WWOX: variants seen among roughly 807,000 people sequenced by gnomAD.
The protein encoded by WWOX is WW domain-containing oxidoreductase.
A neutral mutation model predicts 46.2 loss-of-function variants in WWOX; 69 were observed. The ratio of observed to expected loss-of-function variants is 1.49; its 90% CI spans 1.23 to 1.82. WWOX has a LOEUF of 1.82. Among genes scored for constraint, WWOX ranks in the 40% most tolerant of loss-of-function variants. The pLI is 0.00. For synonymous variants in WWOX, 359 were observed against 202.6 expected, an observed-to-expected ratio of 1.77 and a Z score of -6.56; for missense variants, 919 against 542.6, an observed-to-expected ratio of 1.69 and a Z score of -6.89.
chr16:79,210,262 A>C (rs1039776046), intron 8 of WWOX, among the ~76,000 whole-genome samples: 6 of 152,148 alleles, frequency 3.9e-5, no homozygotes, highest in Admixed American at 2.0e-4. Flanking sequence ...CAACAAACCC[A>C]AGTCTGCCTT....
At chr16:78,808,194 C>T (rs113479757) in intron 8 of WWOX, among the ~76,000 whole-genome samples, 1 of 152,134 alleles carries the variant, frequency 6.6e-6, no homozygotes, top group South Asian at 2.1e-4. Flanking sequence ...CCTCTTTTAA[C>T]CCCTCTGAAT....
At chr16:78,801,923 C>T (rs920013262) in intron 8 of WWOX, among the ~76,000 whole-genome samples, 4 of 151,872 alleles carry the variant, frequency 2.6e-5, no homozygotes, top group African/African-American at 9.7e-5. Flanking sequence ...AATCGCTTAA[C>T]CTCTTTCAAT....
At chr16:79,027,379 A>T (rs893883665) in intron 8 of WWOX, among the ~76,000 whole-genome samples, 1 of 151,304 alleles carries the variant, frequency 6.6e-6, no homozygotes, top group African/African-American at 2.4e-5. Flanking sequence ...CTTCATTGTT[A>T]TTATAATTAC....
chr16:78,342,239 T>C (rs1391233629), intron 5 of WWOX, among the ~76,000 whole-genome samples: 1 of 121,620 alleles, frequency 8.2e-6, no homozygotes, highest in African/African-American at 2.8e-5. Context: ...TGTCAGCTGC[T>C]ACGACAAACA....
chr16:79,194,909 A>T (rs1037450884), intron 8 of WWOX, among the ~76,000 whole-genome samples: 4 of 152,046 alleles, frequency 2.6e-5, no homozygotes, highest in South Asian at 2.1e-4. Context: ...TCCCCAAACT[A>T]AAGGATGAGA....
intron 8 of WWOX, among the ~76,000 whole-genome samples, chr16:78,644,203 C>T (rs376243723): frequency 1.3e-5 from 2 of 151,828 alleles, no homozygotes; most frequent in African/African-American, 4.8e-5. Flanking sequence ...GCCTGGGCAA[C>T]GAGCGAAACT....
At chr16:79,105,697 C>CT (rs1567553763) in intron 8 of WWOX, among the ~76,000 whole-genome samples, 1 of 150,098 alleles carries the variant, frequency 6.7e-6, no homozygotes, top group African/African-American at 2.5e-5. Context: ...GGGTCTCACT[C>CT]TGTCACTCAG....
chr16:78,500,651 G>C (rs1248601231), intron 8 of WWOX, among the ~76,000 whole-genome samples: 1 of 152,136 alleles, frequency 6.6e-6, no homozygotes. Flanking sequence ...GGCTTAGCTT[G>C]GGTATCATCG....
At chr16:78,902,872 A>G (rs1319954136) in intron 8 of WWOX, among the ~76,000 whole-genome samples, 3 of 152,188 alleles carry the variant, frequency 2.0e-5, no homozygotes, top group Non-Finnish European at 2.9e-5. Context: ...CTAAAATACA[A>G]GGGAAAAGAC....
intron 8 of WWOX, among the ~76,000 whole-genome samples, chr16:78,626,643 C>G (rs977413238): frequency 6.6e-6 from 1 of 152,160 alleles, no homozygotes; most frequent in African/African-American, 2.4e-5. Context: ...TTTCCCTCTA[C>G]TTTCCACACT....
chr16:78,324,224 C>T (rs554045237), intron 5 of WWOX, among the ~76,000 whole-genome samples: 2 of 152,044 alleles, frequency 1.3e-5, no homozygotes, highest in Admixed American at 1.3e-4. Context: ...GTGGTGGCTT[C>T]TTGTTTCCCT....
At chr16:79,045,759 C>T (rs539528672) in intron 8 of WWOX, among the ~76,000 whole-genome samples, 1 of 127,076 alleles carries the variant, frequency 7.9e-6, no homozygotes, top group East Asian at 2.4e-4. Context: ...CTCTGGAGCT[C>T]GTCTTTCCTT....
At chr16:79,207,039 T>G (rs2051536384) in intron 8 of WWOX, among the ~76,000 whole-genome samples, 1 of 152,178 alleles carries the variant, frequency 6.6e-6, no homozygotes, top group African/African-American at 2.4e-5. Flanking sequence ...ACCTCTGCAC[T>G]GTTCTGGGAG....
intron 5 of WWOX, among the ~76,000 whole-genome samples, chr16:78,212,833 C>G (rs1198684051): frequency 6.6e-6 from 1 of 152,158 alleles, no homozygotes; most frequent in East Asian, 1.9e-4. Flanking sequence ...AATGGCTTTT[C>G]TCAGGCCAGC....
At chr16:78,548,426 C>G (rs1044619323) in intron 8 of WWOX, among the ~76,000 whole-genome samples, 1 of 152,038 alleles carries the variant, frequency 6.6e-6, no homozygotes, top group African/African-American at 2.4e-5. Flanking sequence ...AACATGTTAA[C>G]ATATTATTTT....
At chr16:78,462,067 T>C (rs1270103884) in intron 8 of WWOX, among the ~76,000 whole-genome samples, 1 of 152,226 alleles carries the variant, frequency 6.6e-6, no homozygotes, top group African/African-American at 2.4e-5. Flanking sequence ...TTATGAACTT[T>C]TGACCAGGGT....
At chr16:78,203,423 T>A (rs910260723) in intron 5 of WWOX, among the ~76,000 whole-genome samples, 1 of 152,142 alleles carries the variant, frequency 6.6e-6, no homozygotes, top group Non-Finnish European at 1.5e-5. Flanking sequence ...ATTTGTTAGG[T>A]TGTATAATAA....
chr16:78,663,805 G>C (rs1274531206), intron 8 of WWOX, among the ~76,000 whole-genome samples: 1 of 152,162 alleles, frequency 6.6e-6, no homozygotes, highest in Non-Finnish European at 1.5e-5. Flanking sequence ...AAAGACCTCA[G>C]CAAAGAAAAT....
intron 8 of WWOX, among the ~76,000 whole-genome samples, chr16:78,610,838 T>C (rs925247406): frequency 6.6e-6 from 1 of 152,168 alleles, no homozygotes; most frequent in Non-Finnish European, 1.5e-5. Flanking sequence ...ATTAATAGTT[T>C]GTATTTACAA....
Sources: gnomAD v4.1 joint callset for allele counts (sites outside exome capture counted in the v4.1 genomes callset) on GRCh38, gnomAD v4.1.1 for gene constraint, MANE v1.5 for transcripts, NCBI Gene and HGNC (gene_info 2026-07-23, HGNC 2026-07-21) for gene names.